Variants in DENND1A observed in about 807,000 individuals in gnomAD.
The protein encoded by DENND1A is DENN domain-containing protein 1A.
DENND1A carries 51 observed loss-of-function variants against 113.7 expected under a neutral mutation model. That is an observed-to-expected ratio of 0.45 (90% confidence interval 0.36 to 0.57). The LOEUF is 0.57. Among genes scored for constraint, DENND1A ranks in the 20% least tolerant of loss-of-function variants. The pLI, the probability that DENND1A is intolerant of heterozygous loss-of-function variation, is 0.00. For synonymous variants in DENND1A, 565 were observed against 570.8 expected (o/e 0.99, Z 0.14); for missense variants, 1,258 against 1,395.9 (o/e 0.90, Z 1.57).
intron 5 of DENND1A, among the ~76,000 whole-genome samples, chr9:123,724,669 G>T (rs1442462596): frequency 6.6e-6 from 1 of 152,144 alleles, no homozygotes; most frequent in Non-Finnish European, 1.5e-5. Context: ...TCTCTTCAAG[G>T]CTGTGCCACA....
chr9:123,590,175 C>T (rs2059391063), intron 11 of DENND1A, among the ~76,000 whole-genome samples: 1 of 152,184 alleles, frequency 6.6e-6, no homozygotes, highest in Admixed American at 6.5e-5. Flanking sequence ...GGCAAGCCTC[C>T]CATGACCTGT....
chr9:123,387,119 G>T (rs1035824276), intron 22 of DENND1A, among the ~76,000 whole-genome samples: 4 of 152,220 alleles, frequency 2.6e-5, no homozygotes, highest in Non-Finnish European at 5.9e-5. Context: ...ACACTTGTGG[G>T]TGGAGGGGCA....
At chr9:123,681,998 C>A (rs2064495663) in intron 5 of DENND1A, among the ~76,000 whole-genome samples, 1 of 152,094 alleles carries the variant, frequency 6.6e-6, no homozygotes, top group Non-Finnish European at 1.5e-5. Flanking sequence ...GGAGGGGCTT[C>A]CACTGACAAA....
intron 1 of DENND1A, among the ~76,000 whole-genome samples, chr9:123,892,296 T>C (rs1431457018): frequency 3.3e-5 from 5 of 152,142 alleles, no homozygotes; most frequent in African/African-American, 1.2e-4. Flanking sequence ...CAATAGAGTA[T>C]TACCTTAGAA....
intron 5 of DENND1A, among the ~76,000 whole-genome samples, chr9:123,732,348 C>T (rs1427809353): frequency 6.6e-6 from 1 of 152,202 alleles, no homozygotes; most frequent in African/African-American, 2.4e-5. Context: ...GGAATACCTA[C>T]TCAATAATAA....
rs545494689 is a variant in DENND1A, at chr9:123,473,264, T to C, written c.994-15367A>G. Among the ~76,000 whole-genome samples, 34 of 151,726 alleles carry C rather than the reference T, an allele frequency of 2.2e-4. 1 individual carries two copies. In the South Asian group the frequency reaches 6.7e-3, roughly 30 times the overall value. On this transcript the variant is annotated intron_variant, in intron 13 of 23. Coordinates refer to ENST00000394215, the MANE Select transcript of DENND1A (RefSeq NM_001352964.2). ...GAGCCAGACAGGCTGACTGAGGATG[T>C]AAGGAGGAGGGGTGCAGGGAGGGAT...
intron 20 of DENND1A, among the ~76,000 whole-genome samples, chr9:123,406,628 C>T (rs1588368084): frequency 6.6e-6 from 1 of 152,364 alleles, no homozygotes; most frequent in Non-Finnish European, 1.5e-5. Flanking sequence ...AGAGCTGGGC[C>T]TGCCACACAG....
chr9:123,905,533 C>CA (rs1181856339), intron 1 of DENND1A, among the ~76,000 whole-genome samples: 3 of 134,798 alleles, frequency 2.2e-5, no homozygotes, highest in Non-Finnish European at 4.8e-5. Context: ...AAATGGAAAA[C>CA]AAAAAAAGGC....
At chr9:123,743,614 C>T (rs1279471617) in intron 5 of DENND1A, among the ~76,000 whole-genome samples, 2 of 151,542 alleles carry the variant, frequency 1.3e-5, no homozygotes, top group Non-Finnish European at 2.9e-5. Flanking sequence ...TGCCTGTAAG[C>T]TCAGCTACTT....
At chr9:123,415,021 C>T (rs150109920) in intron 19 of DENND1A, among the ~76,000 whole-genome samples, 58 of 152,252 alleles carry the variant, frequency 3.8e-4, no homozygotes, top group Non-Finnish European at 6.8e-4. Flanking sequence ...TGCTTGTCCT[C>T]GGGAAGTGCT....
chr9:123,438,430 A>G (rs552473244), intron 19 of DENND1A, among the ~76,000 whole-genome samples: 36 of 152,334 alleles, frequency 2.4e-4, no homozygotes, highest in Non-Finnish European at 4.3e-4. Context: ...TCCAGAGAAA[A>G]TAAATAGAGT....
At chr9:123,863,507 A>G (rs1282415047) in intron 2 of DENND1A, among the ~76,000 whole-genome samples, 1 of 152,228 alleles carries the variant, frequency 6.6e-6, no homozygotes, top group Non-Finnish European at 1.5e-5. Flanking sequence ...AGAGTAAACT[A>G]CATTTCCTTT....
chr9:123,793,817 A>G (rs1833368973), intron 2 of DENND1A, among the ~76,000 whole-genome samples: 1 of 152,210 alleles, frequency 6.6e-6, no homozygotes, highest in South Asian at 2.1e-4. Context: ...ACACAAGACT[A>G]ATAATAAAAG....
chr9:123,477,193 C>A (rs1450240034), intron 13 of DENND1A, among the ~76,000 whole-genome samples: 1 of 152,152 alleles, frequency 6.6e-6, no homozygotes, highest in Non-Finnish European at 1.5e-5. Flanking sequence ...CCTGCTGCAA[C>A]CTAATGGGAC....
At chr9:123,542,651 G>A (rs1192696368) in intron 13 of DENND1A, among the ~76,000 whole-genome samples, 5 of 152,066 alleles carry the variant, frequency 3.3e-5, no homozygotes, top group African/African-American at 1.2e-4. Context: ...AGATTAGGAG[G>A]AGGAAAGTGG....
intron 13 of DENND1A, among the ~76,000 whole-genome samples, chr9:123,461,405 C>A (rs959238398): frequency 3.9e-5 from 6 of 152,210 alleles, no homozygotes; most frequent in Non-Finnish European, 5.9e-5. Context: ...CTGCTTCCAG[C>A]CACAGGAGCC....
chr9:123,431,216 A>C (rs1245964950), intron 19 of DENND1A, among the ~76,000 whole-genome samples: 1 of 152,208 alleles, frequency 6.6e-6, no homozygotes, highest in African/African-American at 2.4e-5. Context: ...TGGTACCTCC[A>C]GTGCTAGCTC....
chr9:123,673,687 AC>A (rs2063879745), intron 6 of DENND1A, among the ~76,000 whole-genome samples: 1 of 152,156 alleles, frequency 6.6e-6, no homozygotes, highest in African/African-American at 2.4e-5. Context: ...CACAATAGGC[AC>A]TTCACATCTC....
At chr9:123,708,065 G>A (rs992314240) in intron 5 of DENND1A, among the ~76,000 whole-genome samples, 9 of 152,140 alleles carry the variant, frequency 5.9e-5, no homozygotes, top group African/African-American at 2.2e-4. Context: ...AGTTGTAGGT[G>A]GGTGAGATGT....
Sources: allele counts gnomAD v4.1 joint callset (sites outside exome capture counted in the v4.1 genomes callset), GRCh38; gene constraint gnomAD v4.1.1; transcripts MANE v1.5; gene names NCBI Gene and HGNC (gene_info 2026-07-23, HGNC 2026-07-21).